The following COLEC11 variants were observed in gnomAD, a reference collection of about 807,000 sequenced individuals.
The protein encoded by COLEC11 is collectin-11.
A neutral mutation model predicts 27.3 loss-of-function variants in COLEC11; 20 were observed. That is an observed-to-expected ratio of 0.73 (90% CI 0.51 to 1.06). COLEC11 has a LOEUF of 1.06. Ranked by LOEUF, COLEC11 falls within the 50% of genes least tolerant of loss-of-function variation. The probability of loss-of-function intolerance (pLI) is 0.00; values close to 1 mark genes in which losing one functional copy is unlikely to be tolerated. For synonymous variants in COLEC11, 163 were observed against 154.7 expected (o/e 1.05, Z -0.40); for missense variants, 310 against 383.0 (o/e 0.81, Z 1.59).
chr2:3,634,552 G>A (rs1388028940), intron 3 of COLEC11, among the ~76,000 whole-genome samples: 1 of 152,178 alleles, frequency 6.6e-6, no homozygotes, highest in Non-Finnish European at 1.5e-5. Context: ...TGTATAATGG[G>A]TTGGCTAGTT....
At chr2:3,598,253 G>C (rs775828926) in intron 1 of COLEC11, among the ~76,000 whole-genome samples, 1 of 152,158 alleles carries the variant, frequency 6.6e-6, no homozygotes, top group Non-Finnish European at 1.5e-5. Flanking sequence ...ACATTATTAG[G>C]AATTTCAGGA....
At chr2:3,643,632 C>T (rs993362724) in intron 6 of COLEC11, 93 bp downstream of exon 6, 12 of 1,601,044 alleles carry the variant, frequency 7.5e-6, no homozygotes, top group South Asian at 2.2e-5. Context: ...CACGCCTGCC[C>T]TGCCTGCCCT....
Position 3,644,076 on chromosome 2 carries a change from C to T in COLEC11, c.774C>T (p.Thr258=), listed in dbSNP as rs1426153875. The T allele has an allele frequency of 6.2e-7, 1 of 1,613,646 alleles. No individual in the cohort carries two copies. The highest frequency in any genetic ancestry group is 8.5e-7 in the Non-Finnish European group (1 of 1,180,048). The change falls in exon 7 of 7, where the codon ACC becomes ACT. Residue 258 remains threonine (T), a synonymous_variant. Coordinates refer to ENST00000349077, the MANE Select transcript of COLEC11 (RefSeq NM_024027.5). ...GCTGGAACGACGTGGCCTGCCACACCACCATGTACTTCATGTGTGAGTTTG... is the reference window on the plus strand; with the variant it reads ...GCTGGAACGACGTGGCCTGCCACACTACCATGTACTTCATGTGTGAGTTTG... ...SGGWNDVACH[T]TMYFMCEFDK... is the part of the protein sequence containing the mutation.
intron 3 of COLEC11, among the ~76,000 whole-genome samples, chr2:3,633,877 CAT>C (rs967220288): frequency 1.1e-4 from 16 of 152,208 alleles, no homozygotes; most frequent in African/African-American, 3.6e-4. Flanking sequence ...GAGGAAGACA[CAT>C]GTTTCCTGCG....
chr2:3,598,724 G>C, intron 1 of COLEC11, among the ~76,000 whole-genome samples: 1 of 151,658 alleles, frequency 6.6e-6, no homozygotes, highest in East Asian at 1.9e-4. Flanking sequence ...TGGGTGAGGG[G>C]TGTGGAGAGG....
chr2:3,607,877 G>A (rs529283245), intron 2 of COLEC11, among the ~76,000 whole-genome samples: 7 of 152,370 alleles, frequency 4.6e-5, no homozygotes, highest in Non-Finnish European at 1.0e-4. Context: ...TGTCTGTGCC[G>A]TCTCCCCTTG....
At chr2:3,625,420 G>C (rs879456204) in intron 3 of COLEC11, among the ~76,000 whole-genome samples, 2 of 152,048 alleles carry the variant, frequency 1.3e-5, no homozygotes, top group African/African-American at 2.4e-5. Context: ...AGCCCAGGGC[G>C]GGGGTTAGGG....
intron 3 of COLEC11, among the ~76,000 whole-genome samples, chr2:3,629,363 T>C (rs1474104395): frequency 6.6e-6 from 1 of 152,078 alleles, no homozygotes; most frequent in African/African-American, 2.4e-5. Context: ...GTGTGGCTGG[T>C]ATGTGGAGGT....
intron 2 of COLEC11, among the ~76,000 whole-genome samples, chr2:3,612,644 G>T (rs1331902643): frequency 6.6e-6 from 1 of 152,138 alleles, no homozygotes; most frequent in East Asian, 1.9e-4. Context: ...TGGAGTGGAG[G>T]TGTTGGTGTC....
chr2:3,612,901 C>T (rs116129917), intron 2 of COLEC11, among the ~76,000 whole-genome samples: 3,554 of 152,132 alleles, frequency 0.023, 145 homozygotes, highest in African/African-American at 0.079. Context: ...TCCCTGAGTA[C>T]CAAGCAGATG....
chr2:3,626,124 T>G, intron 3 of COLEC11: 1 of 1,557,838 alleles, frequency 6.4e-7, no homozygotes. Context: ...CCTTCACACT[T>G]AAGTTGGACC....
intron 4 of COLEC11, among the ~76,000 whole-genome samples, chr2:3,639,217 T>C (rs1216403812): frequency 6.6e-6 from 1 of 152,220 alleles, no homozygotes; most frequent in Non-Finnish European, 1.5e-5. Context: ...GATGGACACA[T>C]GGGTTCTTTC....
At chr2:3,616,584 C>T (rs563302881) in intron 3 of COLEC11, among the ~76,000 whole-genome samples, 2 of 152,384 alleles carry the variant, frequency 1.3e-5, no homozygotes, top group South Asian at 4.1e-4. Flanking sequence ...CAGCGAAACC[C>T]CGTCTCCACC....
rs1042911508 is a variant in COLEC11 at position 3,643,969 on chromosome 2, C to T, written c.667C>T (p.Arg223Trp). 2.5e-6 allele frequency: 4 copies of T among 1,614,166 alleles called. No homozygotes were observed. Among genetic ancestry groups the T allele is most frequent in the African/African-American group, 1.3e-5 (1 of 75,084 alleles). ...CGTGTACTCTGACCACTCCCCCATGCGGACCTTCAACAAGTGGCGCAGCGG... is the reference window on the plus strand; with the variant it reads ...CGTGTACTCTGACCACTCCCCCATGTGGACCTTCAACAAGTGGCGCAGCGG... ...AFVYSDHSPM[R>W]TFNKWRSGEP... Residue 223 changes from arginine (R) to tryptophan (W), a missense_variant, in exon 7 of 7, where the codon CGG becomes TGG. By Grantham distance (101) the Arg-to-Trp change is moderately radical (BLOSUM62 -3). Transcript: ENST00000349077.
At chr2:3,607,443 T>C (rs1662813848) in intron 2 of COLEC11, among the ~76,000 whole-genome samples, 1 of 115,910 alleles carries the variant, frequency 8.6e-6, no homozygotes, top group Admixed American at 1.1e-4. Context: ...ATGAATTTTT[T>C]TTTTGCTTTT....
At chr2:3,609,819 C>G (rs1035365203) in intron 2 of COLEC11, among the ~76,000 whole-genome samples, 1 of 152,086 alleles carries the variant, frequency 6.6e-6, no homozygotes, top group Non-Finnish European at 1.5e-5. Context: ...TGTGAGCCAC[C>G]ATGCCCAACC....
intron 3 of COLEC11, among the ~76,000 whole-genome samples, chr2:3,636,804 C>T (rs1034165163): frequency 3.3e-5 from 5 of 152,090 alleles, no homozygotes; most frequent in South Asian, 2.1e-4. Context: ...TGGGTGACAG[C>T]GGCATTCTTC....
chr2:3,628,260 C>T (rs1192130482), intron 3 of COLEC11, among the ~76,000 whole-genome samples: 8 of 152,246 alleles, frequency 5.3e-5, no homozygotes, highest in Non-Finnish European at 7.3e-5. Context: ...AGCGGCTGCC[C>T]CGCAGGGTTC....
chr2:3,610,978 T>C (rs1302103465), intron 2 of COLEC11, among the ~76,000 whole-genome samples: 1 of 152,236 alleles, frequency 6.6e-6, no homozygotes, highest in Admixed American at 6.5e-5. Context: ...TTCTGTGATG[T>C]TGCTCTGACA....
Sources: gnomAD v4.1 joint callset for allele counts (sites outside exome capture counted in the v4.1 genomes callset) on GRCh38, gnomAD v4.1.1 for gene constraint, MANE v1.5 for transcripts, NCBI Gene and HGNC (gene_info 2026-07-23, HGNC 2026-07-21) for gene names.